The following PCDHGB2 variants were observed in gnomAD, a reference collection of about 807,000 sequenced individuals.
PCDHGB2 encodes protocadherin gamma-B2.
Under a neutral mutation model 59.3 loss-of-function variants are expected in PCDHGB2, and 55 were observed. The ratio of observed to expected loss-of-function variants is 0.93; its 90% confidence interval spans 0.75 to 1.16. The LOEUF is 1.16. Among genes scored for constraint, PCDHGB2 ranks in the 50% most tolerant of loss-of-function variants. The pLI is 0.00. For missense variants in PCDHGB2, 1,228 were observed against 1,198.5 expected (o/e 1.02, Z -0.36); for synonymous variants, 516 against 512.0 (o/e 1.01, Z -0.11).
intron 1 of PCDHGB2, chr5:141,413,929 CGAGTGAGTGTTCCT>C: frequency 6.2e-7 from 1 of 1,613,342 alleles, no homozygotes; most frequent in Non-Finnish European, 8.5e-7. Flanking sequence ...GCCAGAATAC[CGAGTGAGTGTTCCT>C]GAGAATTTGC....
intron 1 of PCDHGB2, chr5:141,441,550 G>C (rs2098254247): frequency 5.4e-6 from 1 of 184,034 alleles, no homozygotes; most frequent in Non-Finnish European, 1.1e-5. Context: ...AGCCTCCATA[G>C]TGTGCAAGTA....
chr5:141,364,166 C>A, intron 1 of PCDHGB2: 2 of 715,060 alleles, frequency 2.8e-6, no homozygotes, highest in Non-Finnish European at 4.1e-6. Context: ...AGAGGCGACC[C>A]GACTCTGCTC....
chr5:141,378,321 G>C (rs1295221856), intron 1 of PCDHGB2: 1 of 152,218 alleles, frequency 6.6e-6, no homozygotes, highest in African/African-American at 2.4e-5. Context: ...TCAGGAGTTC[G>C]AGACCAGCCT....
chr5:141,385,545 A>G, intron 1 of PCDHGB2: 1 of 1,319,590 alleles, frequency 7.6e-7, no homozygotes, highest in Non-Finnish European at 9.7e-7. Flanking sequence ...TATGTGGACT[A>G]TCACATTTTA....
intron 1 of PCDHGB2, chr5:141,422,710 G>T: frequency 6.2e-7 from 1 of 1,603,486 alleles, no homozygotes; most frequent in African/African-American, 1.3e-5. Context: ...TCTGACGGAT[G>T]ACACTGTCCA....
At position 141,431,262 on chromosome 5, in the gene PCDHGB2, A is replaced by G. The variant is rs371663018; in HGVS notation, c.2422-63545A>G. The stretch of plus-strand genomic sequence containing the variant: ...CCGGATATCGGGAAGAACTCTCTGC[A>G]GAGCTACGAGCTCAGCCCGAACACT... On this transcript the variant is annotated intron_variant, in intron 1 of 3. Coordinates refer to ENST00000522605, the MANE Select transcript of PCDHGB2 (RefSeq NM_018923.3). The surrounding 1 kb of genome is among the most constrained non-coding windows in gnomAD (Gnocchi z 4.8). The G allele has an allele frequency of 2.6e-5, 42 of 1,614,184 alleles. No homozygotes were observed. In the African/African-American group the frequency reaches 2.7e-4, roughly 10 times the overall value.
At chr5:141,375,677 G>C (rs1171088976) in intron 1 of PCDHGB2, 2 of 1,614,236 alleles carry the variant, frequency 1.2e-6, no homozygotes, top group African/African-American at 2.7e-5. Flanking sequence ...ACAGCTGTGG[G>C]TGACAGCCAG....
chr5:141,398,835 T>G (rs371527677), intron 1 of PCDHGB2: 60 of 1,613,796 alleles, frequency 3.7e-5, no homozygotes, highest in Non-Finnish European at 4.9e-5. Context: ...CCGACGCCAA[T>G]GATAATCCCC....
At chr5:141,377,347 T>G (rs902378263) in intron 1 of PCDHGB2, 3 of 152,196 alleles carry the variant, frequency 2.0e-5, no homozygotes, top group Non-Finnish European at 2.9e-5. Flanking sequence ...GGTTCACGCC[T>G]GTAATCCCAC....
intron 1 of PCDHGB2, chr5:141,370,528 C>T (rs896464914): frequency 1.3e-5 from 21 of 1,613,784 alleles, no homozygotes; most frequent in Middle Eastern, 1.6e-4. Flanking sequence ...GACAGGGGCT[C>T]GCTGGTAGGG....
chr5:141,502,003 G>A (rs945565369), intron 2 of PCDHGB2, among the ~76,000 whole-genome samples: 17 of 151,966 alleles, frequency 1.1e-4, no homozygotes, highest in Admixed American at 1.1e-3. Flanking sequence ...CTGACAACCC[G>A]CATGCTCTCC....
intron 1 of PCDHGB2, chr5:141,419,467 C>T: frequency 6.2e-7 from 1 of 1,612,476 alleles, no homozygotes; most frequent in Non-Finnish European, 8.5e-7. Context: ...AGGCCCGCGA[C>T]CAGGGCTCGC....
At chr5:141,461,830 CTT>C (rs1030113508) in intron 1 of PCDHGB2, among the ~76,000 whole-genome samples, 1 of 145,180 alleles carries the variant, frequency 6.9e-6, no homozygotes, top group Non-Finnish European at 1.5e-5. Context: ...ATTTTTTTTT[CTT>C]TTTTTTTTGA....
In PCDHGB2 at chr5:141,378,383, T is replaced by G. The variant is rs559607457; in HGVS notation, c.2421+15827T>G. 8.5e-5 allele frequency: 13 copies of G among 152,064 alleles called. 1 individual carries two copies. The South Asian group carries it at 1.5e-3, about 17-fold the overall frequency. 9.4% of individuals were successfully genotyped at this position (152,064 alleles called of 1,614,324 possible). A position where few individuals can be genotyped will look rare whatever the true frequency, so the allele number is the denominator to read the frequency against. On this transcript the variant is annotated intron_variant, in intron 1 of 3. Transcript: ENST00000522605. Reference sequence around the variant, plus strand: ...ACTAAAAATACAAAAATTAGCCAGGTGGGGTGGCATGGGCCTGTAATCGCA... The same window carrying G: ...ACTAAAAATACAAAAATTAGCCAGGGGGGGTGGCATGGGCCTGTAATCGCA...
At chr5:141,370,601 T>C in intron 1 of PCDHGB2, 1 of 1,614,004 alleles carries the variant, frequency 6.2e-7, no homozygotes. Flanking sequence ...TGCGGGTTAT[T>C]GCAGAGAAGA....
intron 2 of PCDHGB2, among the ~76,000 whole-genome samples, chr5:141,496,207 T>C (rs973745475): frequency 6.6e-6 from 1 of 152,134 alleles, no homozygotes; most frequent in Non-Finnish European, 1.5e-5. Flanking sequence ...CAATCTGGTA[T>C]GAATTCCTGC....
At chr5:141,423,328 G>C (rs1308803675) in intron 1 of PCDHGB2, 1 of 1,614,194 alleles carries the variant, frequency 6.2e-7, no homozygotes, top group African/African-American at 1.3e-5. Flanking sequence ...GGTGGCCGCA[G>C]TCTCCTGCAT....
At chr5:141,499,330 C>T (rs1040336371) in intron 2 of PCDHGB2, among the ~76,000 whole-genome samples, 1 of 152,170 alleles carries the variant, frequency 6.6e-6, no homozygotes, top group African/African-American at 2.4e-5. Flanking sequence ...CCTGCTCTCT[C>T]TCAGTTTGGG....
chr5:141,390,500 C>G (rs2092162714), intron 1 of PCDHGB2: 3 of 614,492 alleles, frequency 4.9e-6, no homozygotes, highest in Non-Finnish European at 8.3e-6. Context: ...TTTAGCCAAG[C>G]TTAGATTTAT....
Sources: allele counts gnomAD v4.1 joint callset (sites outside exome capture counted in the v4.1 genomes callset), GRCh38; gene constraint gnomAD v4.1.1; non-coding constraint Gnocchi (gnomAD v3.1); transcripts MANE v1.5; gene names NCBI Gene and HGNC (gene_info 2026-07-23, HGNC 2026-07-21).